The following DENND1A variants were observed in gnomAD, a reference collection of about 807,000 sequenced individuals.
DENND1A encodes DENN domain containing 1A, also known as DENN domain-containing protein 1A.
DENND1A carries 51 observed loss-of-function variants against 113.7 expected under a neutral mutation model. That is an observed-to-expected ratio of 0.45 (90% CI 0.36 to 0.57). The LOEUF is 0.57. Among genes scored for constraint, DENND1A ranks in the 20% least tolerant of loss-of-function variants. The pLI is 0.00. For synonymous variants in DENND1A, 565 were observed against 570.8 expected (o/e 0.99, Z 0.14); for missense variants, 1,258 against 1,395.9 (o/e 0.90, Z 1.57).
At position 123,381,639 on chromosome 9, in the gene DENND1A, G is replaced by A. The variant is rs942435778; in HGVS notation, c.3006C>T (p.Ala1002=). 7 of 1,610,586 alleles carry A rather than the reference G, an allele frequency of 4.3e-6. No individual in the cohort carries two copies. The highest frequency in any genetic ancestry group is 1.3e-5 in the African/African-American group (1 of 74,826). Residue 1002 remains alanine, a synonymous_variant, in exon 24 of 24, where the codon GCC becomes GCT. Transcript: ENST00000394215. The surrounding 1 kb of genome is among the most constrained non-coding windows in gnomAD (Gnocchi z 4.7). ...ARAAETKQGL[A]LRPGDPPLLP... ...GAAGCGGGGGGTCTCCAGGCCTCAG[G>A]GCCAGCCCCTGCTTGGTCTCAGCAG...
chr9:123,802,723 A>G (rs1285171246), intron 2 of DENND1A, among the ~76,000 whole-genome samples: 6 of 147,682 alleles, frequency 4.1e-5, no homozygotes, highest in Admixed American at 4.0e-4. Context: ...TTTTTTTGAC[A>G]CAGAGTTTCA....
intron 13 of DENND1A, among the ~76,000 whole-genome samples, chr9:123,500,804 G>A (rs2052413273): frequency 6.6e-6 from 1 of 152,190 alleles, no homozygotes; most frequent in Non-Finnish European, 1.5e-5. Context: ...TCAAATCTGG[G>A]TGTTTCATCT....
At chr9:123,826,914 T>C (rs1839414143) in intron 2 of DENND1A, among the ~76,000 whole-genome samples, 1 of 152,154 alleles carries the variant, frequency 6.6e-6, no homozygotes, top group Admixed American at 6.5e-5. Flanking sequence ...ACTCTAGAAA[T>C]AAGCAATAAT....
At chr9:123,459,340 C>G (rs1206162018) in intron 13 of DENND1A, among the ~76,000 whole-genome samples, 1 of 152,220 alleles carries the variant, frequency 6.6e-6, no homozygotes. Flanking sequence ...CCCTAGGCCA[C>G]TGGCTGTGGG....
At chr9:123,717,672 G>C (rs1178330010) in intron 5 of DENND1A, among the ~76,000 whole-genome samples, 1 of 152,164 alleles carries the variant, frequency 6.6e-6, no homozygotes, top group Non-Finnish European at 1.5e-5. Context: ...TTTAATGTAA[G>C]GCTTTTATAT....
intron 5 of DENND1A, chr9:123,736,615 G>A (rs1329802589): frequency 6.6e-6 from 1 of 152,144 alleles, no homozygotes; most frequent in Non-Finnish European, 1.5e-5. Flanking sequence ...TAGCAAGACT[G>A]CACTAAAACT....
intron 5 of DENND1A, among the ~76,000 whole-genome samples, chr9:123,715,622 CTA>C (rs1440872269): frequency 6.6e-6 from 1 of 152,164 alleles, no homozygotes; most frequent in Non-Finnish European, 1.5e-5. Flanking sequence ...GGATCATCAA[CTA>C]TATGTCTAGA....
intron 2 of DENND1A, among the ~76,000 whole-genome samples, chr9:123,840,613 A>G (rs1017692686): frequency 6.6e-6 from 1 of 152,106 alleles, no homozygotes; most frequent in Admixed American, 6.5e-5. Flanking sequence ...TCTTTGTCAC[A>G]CTCTGTCCCC....
chr9:123,743,633 G>A (rs1229609238), intron 5 of DENND1A, among the ~76,000 whole-genome samples: 1 of 151,698 alleles, frequency 6.6e-6, no homozygotes, highest in Non-Finnish European at 1.5e-5. Flanking sequence ...TTGGGAGGCT[G>A]AGGCAGGAGA....
intron 12 of DENND1A, among the ~76,000 whole-genome samples, chr9:123,576,242 C>T (rs1038074237): frequency 6.6e-6 from 1 of 152,206 alleles, no homozygotes; most frequent in African/African-American, 2.4e-5. Context: ...TCTCCACCCC[C>T]TACTGGTATT....
intron 2 of DENND1A, among the ~76,000 whole-genome samples, chr9:123,873,235 T>G (rs1255715240): frequency 1.3e-5 from 2 of 152,216 alleles, no homozygotes; most frequent in African/African-American, 4.8e-5. Flanking sequence ...CTAGAAAATC[T>G]TATGAATTCC....
intron 13 of DENND1A, among the ~76,000 whole-genome samples, chr9:123,547,321 G>C (rs1005396153): frequency 1.3e-5 from 2 of 152,238 alleles, no homozygotes; most frequent in African/African-American, 4.8e-5. Context: ...CCTGAGGTTG[G>C]GAGTTTGGGA....
chr9:123,895,349 G>C (rs896722821), intron 1 of DENND1A, among the ~76,000 whole-genome samples: 3 of 152,108 alleles, frequency 2.0e-5, no homozygotes, highest in African/African-American at 7.2e-5. Flanking sequence ...GGTCGGGTAT[G>C]GTGGTTCACA....
chr9:123,610,825 T>C (rs555481392), intron 10 of DENND1A, among the ~76,000 whole-genome samples: 2 of 152,300 alleles, frequency 1.3e-5, no homozygotes, highest in African/African-American at 4.8e-5. Flanking sequence ...TCCAACTGAA[T>C]ACTAAGGAGT....
intron 10 of DENND1A, among the ~76,000 whole-genome samples, chr9:123,614,317 T>C (rs2060545725): frequency 6.6e-6 from 1 of 152,182 alleles, no homozygotes; most frequent in Admixed American, 6.5e-5. Context: ...AAAGGGCTAT[T>C]CGCCAGTCCT....
At chr9:123,714,543 A>C (rs1013788109) in intron 5 of DENND1A, among the ~76,000 whole-genome samples, 1 of 152,176 alleles carries the variant, frequency 6.6e-6, no homozygotes, top group Admixed American at 6.5e-5. Context: ...CAGAGATTGC[A>C]GTGAGCCAAG....
At chr9:123,496,794 G>T (rs1441704334) in intron 13 of DENND1A, among the ~76,000 whole-genome samples, 1 of 152,218 alleles carries the variant, frequency 6.6e-6, no homozygotes, top group South Asian at 2.1e-4. Flanking sequence ...GTACACGTAG[G>T]GGGAAAACCG....
chr9:123,769,574 A>C lies in DENND1A; in HGVS notation c.133-11T>G. ...AGTCTGTAGAACTTCCTGTGGAGAG[A>C]AAGAGAGATAATTTATACATCTAAT... On this transcript the variant is annotated splice_polypyrimidine_tract_variant and intron_variant, in intron 3 of 23. Transcript: ENST00000394215. 1.2e-6 allele frequency: 2 copies of C among 1,605,612 alleles called. No individual in the cohort carries two copies. Among genetic ancestry groups the C allele is most frequent in the Non-Finnish European group, 1.7e-6 (2 of 1,176,746 alleles).
At chr9:123,560,948 A>T (rs2057717773) in intron 12 of DENND1A, among the ~76,000 whole-genome samples, 1 of 152,140 alleles carries the variant, frequency 6.6e-6, no homozygotes, top group South Asian at 2.1e-4. Context: ...TCTGCCATGG[A>T]CTTCCACCTA....
Sources: gnomAD v4.1 joint callset for allele counts (sites outside exome capture counted in the v4.1 genomes callset) on GRCh38, gnomAD v4.1.1 for gene constraint, Gnocchi (gnomAD v3.1) non-coding constraint, MANE v1.5 for transcripts, NCBI Gene and HGNC (gene_info 2026-07-23, HGNC 2026-07-21) for gene names.